The following NRIP3 variants were observed in gnomAD, a reference collection of about 807,000 sequenced individuals.
NRIP3 encodes nuclear receptor interacting protein 3.
Under a neutral mutation model 29.0 loss-of-function variants are expected in NRIP3, and 31 were observed. The observed-to-expected ratio is 1.07, with a 90% confidence interval of 0.80 to 1.44. NRIP3 has a LOEUF of 1.44. NRIP3 is among the 40% of genes most tolerant of loss of function. The probability of loss-of-function intolerance (pLI) is 0.00; values close to 1 mark genes in which losing one functional copy is unlikely to be tolerated. For synonymous variants in NRIP3, 131 were observed against 118.3 expected (o/e 1.11, Z -0.70); for missense variants, 314 against 297.9 (o/e 1.05, Z -0.40).
rs377509810 is a variant in NRIP3 at position 8,988,090 on chromosome 11, C to G, written c.339+28G>C. 66 of 1,608,554 alleles carry G rather than the reference C, an allele frequency of 4.1e-5. No individual in the cohort carries two copies. In the African/African-American group the frequency reaches 6.2e-4, roughly 15 times the overall value. ...CCCCACATCCTACTTTCCAGAAAAC[C>G]CTGGAAAAGCTGTTCTCAGAACATT... On this transcript the variant is annotated intron_variant, in intron 2 of 6. Transcript: ENST00000309166.
intron 1 of NRIP3, among the ~76,000 whole-genome samples, chr11:8,998,928 G>A (rs1046027278): frequency 1.3e-5 from 2 of 150,464 alleles, no homozygotes; most frequent in African/African-American, 2.4e-5. Context: ...CGAGTTTCCC[G>A]AGTAGCTGGG....
At chr11:9,000,875 C>T (rs1854781504) in intron 1 of NRIP3, among the ~76,000 whole-genome samples, 1 of 152,016 alleles carries the variant, frequency 6.6e-6, no homozygotes. Flanking sequence ...TCAAGACCAG[C>T]CTGGGCAATA....
At chr11:8,993,987 C>T (rs980995780) in intron 1 of NRIP3, among the ~76,000 whole-genome samples, 1 of 151,764 alleles carries the variant, frequency 6.6e-6, no homozygotes, top group African/African-American at 2.4e-5. Flanking sequence ...AAAATATACC[C>T]CATGTAGCAG....
In NRIP3 at chr11:8,983,191, G is replaced by T; in HGVS notation, c.*354C>A. On this transcript the variant is annotated 3_prime_UTR_variant, in exon 7 of 7. Transcript: ENST00000309166. ...TATTATACATTTAGCTATAGGAAAAGAAGCACATATATCTATGGAGACACA... is the reference window on the plus strand; with the variant it reads ...TATTATACATTTAGCTATAGGAAAATAAGCACATATATCTATGGAGACACA... 1 of 421,564 alleles carries T rather than the reference G, an allele frequency of 2.4e-6. No individual in the cohort carries two copies. The highest frequency in any genetic ancestry group is 5.3e-5 in the East Asian group (1 of 19,046). 26.1% of individuals were successfully genotyped at this position (421,564 alleles called of 1,614,324 possible).
chr11:8,993,315 A>G (rs1212008594), intron 1 of NRIP3, among the ~76,000 whole-genome samples: 1 of 152,222 alleles, frequency 6.6e-6, no homozygotes, highest in Non-Finnish European at 1.5e-5. Flanking sequence ...CACCAAGGAA[A>G]TTATTAATTT....
At chr11:8,988,472 T>C (rs1395074019) in intron 1 of NRIP3, among the ~76,000 whole-genome samples, 190 bp from the exon 2 acceptor site, 1 of 152,162 alleles carries the variant, frequency 6.6e-6, no homozygotes, top group African/African-American at 2.4e-5. Flanking sequence ...CAATTTGCAG[T>C]AGGCCACCCT....
At chr11:8,990,231 G>A (rs1392912588) in intron 1 of NRIP3, among the ~76,000 whole-genome samples, 1 of 151,892 alleles carries the variant, frequency 6.6e-6, no homozygotes, top group East Asian at 1.9e-4. Flanking sequence ...TCCTTATCTG[G>A]AATGGTCTTT....
Position 8,982,838 on chromosome 11 carries a change from T to C in NRIP3, c.*707A>G, listed in dbSNP as rs1399938952. On this transcript the variant is annotated 3_prime_UTR_variant, in exon 7 of 7. Coordinates refer to ENST00000309166, the MANE Select transcript of NRIP3 (RefSeq NM_020645.3). ...TCCTCCCATGCTCTGCCTTTTTTTT[T>C]TTTTTTTTAACACATTCTCACCTCT... The C allele has an allele frequency of 2.8e-6, 1 of 353,856 alleles. No homozygotes were observed. The highest frequency in any genetic ancestry group is 5.5e-6 in the Non-Finnish European group (1 of 181,902). The allele number at this position is 353,856 out of a possible 1,614,324, so 21.9% of individuals were successfully genotyped here.
intron 1 of NRIP3, among the ~76,000 whole-genome samples, chr11:9,000,953 TA>T (rs1854783551): frequency 6.6e-6 from 1 of 151,968 alleles, no homozygotes; most frequent in Non-Finnish European, 1.5e-5. Context: ...CCTGTAATCC[TA>T]GCTACTCAGG....
At chr11:8,994,333 A>T (rs1854663780) in intron 1 of NRIP3, among the ~76,000 whole-genome samples, 1 of 152,150 alleles carries the variant, frequency 6.6e-6, no homozygotes, top group African/African-American at 2.4e-5. Flanking sequence ...TCATATGGCC[A>T]CTCCTAGCTC....
intron 3 of NRIP3, 83 bp from the exon 4 acceptor site, chr11:8,985,933 T>C (rs977332215): frequency 5.3e-5 from 79 of 1,495,674 alleles, no homozygotes; most frequent in Middle Eastern, 1.8e-4. Context: ...TGACCTACAA[T>C]TGGAATTCTC....
chr11:8,986,492 A>G (rs1854524652), intron 3 of NRIP3, among the ~76,000 whole-genome samples: 1 of 152,222 alleles, frequency 6.6e-6, no homozygotes, highest in Non-Finnish European at 1.5e-5. Flanking sequence ...CACCCGAGCT[A>G]TTATGGGTTG....
At chr11:8,998,210 C>T (rs943023482) in intron 1 of NRIP3, among the ~76,000 whole-genome samples, 2 of 152,176 alleles carry the variant, frequency 1.3e-5, no homozygotes, top group African/African-American at 2.4e-5. Flanking sequence ...GTATATAACA[C>T]GTGACCCATT....
rs1252091228 is a variant in NRIP3, at chr11:8,988,058, G to C, written c.339+60C>G. The stretch of plus-strand genomic sequence containing the variant: ...GACCCACACTCTATAAAGTCAGGAG[G>C]AGAGGGCCCCACATCCTACTTTCCA... On this transcript the variant is annotated intron_variant, in intron 2 of 6. Transcript: ENST00000309166. 2.6e-6 allele frequency: 4 copies of C among 1,526,374 alleles called. No homozygotes were observed. In the African/African-American group the frequency reaches 4.1e-5, roughly 16 times the overall value. The allele number at this position is 1,526,374 out of a possible 1,614,324, so 94.6% of individuals were successfully genotyped here. A position where few individuals can be genotyped will look rare whatever the true frequency, so the allele number is the denominator to read the frequency against.
intron 1 of NRIP3, among the ~76,000 whole-genome samples, chr11:8,988,738 A>G (rs2134913477): frequency 6.6e-6 from 1 of 152,330 alleles, no homozygotes; most frequent in South Asian, 2.1e-4. Context: ...AACTTAGCTA[A>G]CACAGGTATT....
chr11:8,992,533 C>A (rs181486381), intron 1 of NRIP3, among the ~76,000 whole-genome samples: 21 of 152,180 alleles, frequency 1.4e-4, no homozygotes, highest in Admixed American at 3.3e-4. Context: ...AAAAGATGAT[C>A]AAAATACAAA....
Position 8,996,275 on chromosome 11 carries a change from C to CTTTTTTTTTTT in NRIP3, c.174+7476_174+7486dup, listed in dbSNP as rs386373056. Among the ~76,000 whole-genome samples, 87 of 82,948 alleles carry CTTTTTTTTTTT rather than the reference C, an allele frequency of 1.0e-3. 1 individual carries two copies. The highest frequency in any genetic ancestry group is 2.8e-3 in the South Asian group (5 of 1,812). 54.4% of individuals were successfully genotyped at this position (82,948 alleles called of 152,430 possible). A position where few individuals can be genotyped will look rare whatever the true frequency, so the allele number is the denominator to read the frequency against. On this transcript the variant is annotated intron_variant, in intron 1 of 6. Coordinates refer to ENST00000309166, the MANE Select transcript of NRIP3 (RefSeq NM_020645.3). The stretch of plus-strand genomic sequence containing the variant: ...TCTTTCTTCAAAAAGCCTTTTTTTC[C>CTTTTTTTTTTT]TTTTTTTTTTTTTTTTTTTTTTTTG...
At chr11:8,997,897 A>G (rs1434302443) in intron 1 of NRIP3, among the ~76,000 whole-genome samples, 1 of 152,196 alleles carries the variant, frequency 6.6e-6, no homozygotes, top group Non-Finnish European at 1.5e-5. Context: ...CAAACTAGAA[A>G]ACAGAGGAAA....
chr11:8,988,119 T>C lies in NRIP3; in HGVS notation c.338A>G (p.Gln113Arg), dbSNP rs763518995. Residue 113 changes from glutamine (Q) to arginine (R), a missense_variant and splice_region_variant, in exon 2 of 7, where the codon CAG (glutamine) becomes CGG (arginine). By Grantham distance (43) the Gln-to-Arg change is conservative. Transcript: ENST00000309166. ...GAAAAGCTGTTCTCAGAACATTACC[T>C]GGCAAGAAACCAAAATCATGTCATC... ...EEDDMILVSC[Q>R]CAGKDVKALV... 6 of 1,613,900 alleles carry C rather than the reference T, an allele frequency of 3.7e-6. No homozygotes were observed. Among genetic ancestry groups the C allele is most frequent in the Admixed American group, 1.7e-5 (1 of 59,986 alleles).
Sources: allele counts gnomAD v4.1 joint callset (sites outside exome capture counted in the v4.1 genomes callset), GRCh38; gene constraint gnomAD v4.1.1; transcripts MANE v1.5; gene names NCBI Gene and HGNC (gene_info 2026-07-23, HGNC 2026-07-21).